The following NRG1 variants were observed in gnomAD, a reference collection of about 807,000 sequenced individuals.
The protein encoded by NRG1 is neuregulin 1, also known as pro-neuregulin-1, membrane-bound isoform.
NRG1 carries 18 observed loss-of-function variants against 63.8 expected under a neutral mutation model. The observed-to-expected ratio is 0.28, with a 90% CI of 0.19 to 0.42. The LOEUF (loss-of-function observed/expected upper bound fraction) is 0.42, where lower values mean the gene tolerates loss of function less well. Among genes scored for constraint, NRG1 ranks in the 10% least tolerant of loss-of-function variants. The probability of loss-of-function intolerance (pLI) is 1.00; values close to 1 mark genes in which losing one functional copy is unlikely to be tolerated. For missense variants in NRG1, 762 were observed against 814.7 expected, an observed-to-expected ratio of 0.94 and a Z score of 0.79; for synonymous variants, 302 against 301.3, an observed-to-expected ratio of 1.00 and a Z score of -0.02.
intron 1 of NRG1, among the ~76,000 whole-genome samples, chr8:32,391,258 A>G (rs1017865564): frequency 4.6e-5 from 7 of 151,940 alleles, no homozygotes; most frequent in Non-Finnish European, 7.4e-5. Flanking sequence ...AGCCTCCCTA[A>G]TAGCTGGGAT....
rs577763158 is a variant in NRG1, at chr8:32,750,642, C to T, written c.692-3730C>T. ...GACATAATGTAGTTTCCAGACTTTG[C>T]GGGAAATGAGGCAGTTGCAAGCTCT... is the stretch of plus-strand genomic sequence containing the variant. On this transcript the variant is annotated intron_variant, in intron 7 of 11. Transcript: ENST00000356819. Among the ~76,000 whole-genome samples the T allele has an allele frequency of 1.5e-4, 22 of 144,162 alleles. 1 individual carries two copies. Among genetic ancestry groups the T allele is most frequent in the African/African-American group, 4.7e-4 (18 of 37,988 alleles). The allele number at this position is 144,162 out of a possible 152,430, so 94.6% of individuals were successfully genotyped here. A position where few individuals can be genotyped will look rare whatever the true frequency, so the allele number is the denominator to read the frequency against.
intron 1 of NRG1, among the ~76,000 whole-genome samples, chr8:32,353,858 A>G (rs1297859181): frequency 6.6e-6 from 1 of 152,174 alleles, no homozygotes; most frequent in Non-Finnish European, 1.5e-5. Context: ...CCATACAAAG[A>G]CTTGTATGTA....
chr8:32,135,957 T>C (rs1252201975), intron 1 of NRG1, among the ~76,000 whole-genome samples: 1 of 135,598 alleles, frequency 7.4e-6, no homozygotes, highest in Non-Finnish European at 1.7e-5. Context: ...GCGGGAGTGA[T>C]TGTTGAGATG....
chr8:32,656,069 A>G (rs1801415846), intron 5 of NRG1, among the ~76,000 whole-genome samples: 1 of 152,212 alleles, frequency 6.6e-6, no homozygotes, highest in African/African-American at 2.4e-5. Flanking sequence ...ATATACATCA[A>G]ATAATTTTAT....
chr8:31,922,525 CT>C (rs779219244), intron 1 of NRG1, among the ~76,000 whole-genome samples: 2 of 152,128 alleles, frequency 1.3e-5, no homozygotes, highest in Non-Finnish European at 2.9e-5. Context: ...ATAAAGTCAC[CT>C]CTATGTCATT....
At chr8:31,748,822 G>C (rs762844784) in intron 1 of NRG1, among the ~76,000 whole-genome samples, 1 of 151,698 alleles carries the variant, frequency 6.6e-6, no homozygotes. Flanking sequence ...TAATCCCTGA[G>C]AGTAACCCAT....
At chr8:32,373,730 A>T (rs1809241420) in intron 1 of NRG1, among the ~76,000 whole-genome samples, 1 of 152,162 alleles carries the variant, frequency 6.6e-6, no homozygotes, top group Non-Finnish European at 1.5e-5. Flanking sequence ...GTGAGCCAAG[A>T]TTGCACCACT....
intron 5 of NRG1, among the ~76,000 whole-genome samples, chr8:32,715,671 C>T (rs1392930152): frequency 6.9e-6 from 1 of 145,134 alleles, no homozygotes; most frequent in Admixed American, 7.0e-5. Flanking sequence ...CAGAGTCTTG[C>T]TCTGTCGCCC....
At chr8:31,690,650 G>A (rs1411372483) in intron 1 of NRG1, among the ~76,000 whole-genome samples, 4 of 152,182 alleles carry the variant, frequency 2.6e-5, no homozygotes, top group African/African-American at 7.2e-5. Flanking sequence ...GATTGTGGAT[G>A]CGCTATACTT....
chr8:32,726,850 A>T (rs1447993810), intron 5 of NRG1, among the ~76,000 whole-genome samples: 1 of 152,224 alleles, frequency 6.6e-6, no homozygotes, highest in Non-Finnish European at 1.5e-5. Flanking sequence ...GAAAGGAATT[A>T]AAAAGGAATT....
intron 1 of NRG1, among the ~76,000 whole-genome samples, chr8:32,229,155 T>C (rs1846641189): frequency 6.6e-6 from 1 of 152,196 alleles, no homozygotes; most frequent in African/African-American, 2.4e-5. Context: ...ATATTTCCTG[T>C]TGGCAGCCAC....
intron 1 of NRG1, among the ~76,000 whole-genome samples, chr8:32,174,270 G>T (rs1436480518): frequency 1.3e-5 from 2 of 151,950 alleles, no homozygotes; most frequent in Non-Finnish European, 2.9e-5. Context: ...AAATTAAGAT[G>T]TTCTTTGAAA....
At chr8:32,412,065 C>T (rs1434016979) in intron 1 of NRG1, among the ~76,000 whole-genome samples, 3 of 151,984 alleles carry the variant, frequency 2.0e-5, no homozygotes, top group Non-Finnish European at 4.4e-5. Flanking sequence ...GATTCGTCTC[C>T]CCTATGTCAG....
intron 1 of NRG1, among the ~76,000 whole-genome samples, chr8:32,537,704 TG>T (rs970149199): frequency 1.3e-5 from 2 of 152,092 alleles, no homozygotes; most frequent in African/African-American, 4.8e-5. Context: ...ATCTTCACAA[TG>T]GTGACTGATA....
At chr8:32,723,202 G>A (rs1405712050) in intron 5 of NRG1, among the ~76,000 whole-genome samples, 1 of 152,120 alleles carries the variant, frequency 6.6e-6, no homozygotes, top group Non-Finnish European at 1.5e-5. Context: ...ATAGAGAGAA[G>A]TCCCACAGCT....
chr8:32,522,726 G>A (rs1056800451), intron 1 of NRG1, among the ~76,000 whole-genome samples: 1 of 151,560 alleles, frequency 6.6e-6, no homozygotes, highest in Non-Finnish European at 1.5e-5. Context: ...AACATCCTTA[G>A]GTCTTTCCTA....
intron 1 of NRG1, among the ~76,000 whole-genome samples, chr8:31,779,248 C>A (rs760858562): frequency 1.3e-5 from 2 of 152,006 alleles, no homozygotes; most frequent in Non-Finnish European, 2.9e-5. Context: ...GTGCAAAGGA[C>A]CTGGTAGCAA....
At chr8:32,658,154 C>A (rs967549383) in intron 5 of NRG1, among the ~76,000 whole-genome samples, 3 of 152,252 alleles carry the variant, frequency 2.0e-5, no homozygotes, top group African/African-American at 4.8e-5. Context: ...CAGTCAATAA[C>A]CTACATAGCC....
chr8:31,762,901 A>G (rs1358171504), intron 1 of NRG1, among the ~76,000 whole-genome samples: 2 of 152,368 alleles, frequency 1.3e-5, no homozygotes, highest in Admixed American at 1.3e-4. Flanking sequence ...AAAAGAAATC[A>G]TGGACCAATA....
Sources: allele counts gnomAD v4.1 joint callset (sites outside exome capture counted in the v4.1 genomes callset), GRCh38; gene constraint gnomAD v4.1.1; transcripts MANE v1.5; gene names NCBI Gene and HGNC (gene_info 2026-07-23, HGNC 2026-07-21).